The following SCN11A variants were observed in gnomAD, a reference collection of about 807,000 sequenced individuals.
The protein encoded by SCN11A is sodium voltage-gated channel alpha subunit 11.
A neutral mutation model predicts 162.2 loss-of-function variants in SCN11A; 122 were observed. The ratio of observed to expected loss-of-function variants is 0.75; its 90% confidence interval spans 0.65 to 0.87. The LOEUF is 0.87. Among genes scored for constraint, SCN11A ranks in the 40% least tolerant of loss-of-function variants. SCN11A has a pLI of 0.00. For missense variants in SCN11A, 2,015 were observed against 2,181.6 expected (o/e 0.92, Z 1.52); for synonymous variants, 758 against 751.5 (o/e 1.01, Z -0.14).
chr3:38,891,065 A>G (rs748133735), intron 19 of SCN11A, among the ~76,000 whole-genome samples: 14 of 151,562 alleles, frequency 9.2e-5, no homozygotes, highest in Non-Finnish European at 1.6e-4. Context: ...GAAACTGCAC[A>G]TGAAAGGGTC....
At chr3:38,901,118 A>G (rs1246963753) in intron 16 of SCN11A, among the ~76,000 whole-genome samples, 3 of 152,202 alleles carry the variant, frequency 2.0e-5, no homozygotes, top group South Asian at 2.1e-4. Flanking sequence ...TCTGGGGGGA[A>G]CCTATAAACG....
chr3:38,889,525 C>T (rs1433364674), intron 19 of SCN11A, among the ~76,000 whole-genome samples: 2 of 152,000 alleles, frequency 1.3e-5, no homozygotes, highest in East Asian at 1.9e-4. Flanking sequence ...GCTGGCCGGG[C>T]GCGGTGGCTC....
At chr3:38,883,956 C>T (rs938475733) in intron 21 of SCN11A, among the ~76,000 whole-genome samples, 5 of 152,142 alleles carry the variant, frequency 3.3e-5, no homozygotes, top group South Asian at 2.1e-4. Context: ...AGGTCATACA[C>T]GAAAGAATTT....
chr3:38,988,901 A>G (rs953578185), intron 2 of SCN11A, among the ~76,000 whole-genome samples: 10 of 152,184 alleles, frequency 6.6e-5, no homozygotes, highest in Non-Finnish European at 1.5e-4. Context: ...TAGGAGAATA[A>G]AAGAATAAGG....
chr3:38,854,695 C>A (rs1248494275), intron 28 of SCN11A, among the ~76,000 whole-genome samples: 2 of 152,346 alleles, frequency 1.3e-5, no homozygotes, highest in Admixed American at 1.3e-4. Flanking sequence ...GGGGGAAAAC[C>A]TGCCTCCAAA....
chr3:38,931,281 C>G (rs1029010011), intron 7 of SCN11A, among the ~76,000 whole-genome samples: 1 of 152,206 alleles, frequency 6.6e-6, no homozygotes, highest in Non-Finnish European at 1.5e-5. Flanking sequence ...CACCCAGCAA[C>G]AGAGACAGAC....
intron 23 of SCN11A, among the ~76,000 whole-genome samples, chr3:38,876,769 C>A (rs960019384): frequency 1.3e-5 from 2 of 152,006 alleles, no homozygotes; most frequent in Admixed American, 6.6e-5. Flanking sequence ...TAAACTAGTA[C>A]AACCACTATG....
intron 2 of SCN11A, among the ~76,000 whole-genome samples, chr3:38,966,449 G>C (rs1054277015): frequency 6.6e-6 from 1 of 152,194 alleles, no homozygotes; most frequent in Non-Finnish European, 1.5e-5. Context: ...TAAGAGGAGA[G>C]AGTAGCAAGG....
chr3:38,867,713 G>C (rs2065064747), intron 26 of SCN11A, among the ~76,000 whole-genome samples: 1 of 152,022 alleles, frequency 6.6e-6, no homozygotes, highest in African/African-American at 2.4e-5. Context: ...AATCATTGAG[G>C]GACTGTAAGG....
chr3:38,895,959 A>G (rs2065590446), intron 18 of SCN11A, among the ~76,000 whole-genome samples: 1 of 151,936 alleles, frequency 6.6e-6, no homozygotes, highest in Non-Finnish European at 1.5e-5. Flanking sequence ...TATAACCCCA[A>G]CTTGATCCTG....
chr3:38,950,739 T>C (rs1404771027), intron 4 of SCN11A, among the ~76,000 whole-genome samples: 1 of 152,146 alleles, frequency 6.6e-6, no homozygotes, highest in Non-Finnish European at 1.5e-5. Context: ...GATCTGCAAG[T>C]AGCAGGCAAG....
chr3:38,894,650 G>A lies in SCN11A; in HGVS notation c.2718C>T (p.Thr906=). The change falls in exon 19 of 30, where the codon ACC becomes ACT. Residue 906 remains threonine (T), a synonymous_variant. Coordinates refer to ENST00000302328, the MANE Select transcript of SCN11A (RefSeq NM_001349253.2). ...ELGILTSVPK[T]LGVRHDWTWL... ...AAGTCCAATCATGCCTGACGCCCAG[G>A]GTCTTTGGTACAGAGGTTAGTATAC... 1 of 1,614,050 alleles carries A rather than the reference G, an allele frequency of 6.2e-7. No homozygotes were observed. The highest frequency in any genetic ancestry group is 8.5e-7 in the Non-Finnish European group (1 of 1,179,968).
chr3:38,908,379 C>G (rs369119698), intron 13 of SCN11A, among the ~76,000 whole-genome samples: 17 of 152,300 alleles, frequency 1.1e-4, no homozygotes, highest in East Asian at 5.8e-4. Context: ...AGCACAGTGT[C>G]CAGTATGCGC....
rs183229980 is a variant in SCN11A at position 39,023,078 on chromosome 3, G to C, written c.-280+9302C>G. On this transcript the variant is annotated intron_variant, in intron 2 of 29. Coordinates refer to ENST00000302328, the MANE Select transcript of SCN11A (RefSeq NM_001349253.2). ...GGTATTGTGGTTATGCTTTTTAAAAGGAGTCCTTACATTTTAGAGATACTG... is the reference window on the plus strand; with the variant it reads ...GGTATTGTGGTTATGCTTTTTAAAACGAGTCCTTACATTTTAGAGATACTG... Among the ~76,000 whole-genome samples, 166 of 152,106 alleles carry C rather than the reference G, an allele frequency of 1.1e-3. 1 individual carries two copies. Among genetic ancestry groups the C allele is most frequent in the Non-Finnish European group, 5.0e-4 (34 of 68,002 alleles).
chr3:38,917,185 C>A (rs530090569), intron 11 of SCN11A, among the ~76,000 whole-genome samples: 1 of 152,078 alleles, frequency 6.6e-6, no homozygotes, highest in Non-Finnish European at 1.5e-5. Context: ...GGCATGGATG[C>A]GGAGAAAAAG....
In SCN11A at chr3:38,904,225, T is replaced by C. The variant is rs2065754239; in HGVS notation, c.1604-122A>G. ...TCCTGATACATGATCAGTTGTGAAA[T>C]GTTTTGATTTGTGTAGTCAGAAAGG... On this transcript the variant is annotated intron_variant, in intron 15 of 29. Coordinates refer to ENST00000302328, the MANE Select transcript of SCN11A (RefSeq NM_001349253.2). 6 of 581,846 alleles carry C rather than the reference T, an allele frequency of 1.0e-5. No homozygotes were observed. In the South Asian group the frequency reaches 1.5e-4, roughly 15 times the overall value. 36.0% of individuals were successfully genotyped at this position (581,846 alleles called of 1,614,324 possible).
intron 1 of SCN11A, among the ~76,000 whole-genome samples, chr3:39,051,290 C>G (rs867643585): frequency 6.6e-6 from 1 of 152,046 alleles, no homozygotes; most frequent in South Asian, 2.1e-4. Context: ...CTCCACCCTC[C>G]GAAAGGCCCC....
intron 2 of SCN11A, among the ~76,000 whole-genome samples, chr3:39,025,616 T>C (rs1291450706): frequency 6.6e-6 from 1 of 152,168 alleles, no homozygotes; most frequent in Non-Finnish European, 1.5e-5. Flanking sequence ...GAGTGTCTTC[T>C]AGCATGTTAA....
intron 2 of SCN11A, among the ~76,000 whole-genome samples, chr3:38,990,782 C>T (rs1371221520): frequency 3.9e-5 from 6 of 152,098 alleles, no homozygotes; most frequent in African/African-American, 4.8e-5. Context: ...TTAAGAAACT[C>T]GGCACAGGTC....
Sources: gnomAD v4.1 joint callset for allele counts (sites outside exome capture counted in the v4.1 genomes callset) on GRCh38, gnomAD v4.1.1 for gene constraint, MANE v1.5 for transcripts, NCBI Gene and HGNC (gene_info 2026-07-23, HGNC 2026-07-21) for gene names.